The following MEGF11 variants were observed in gnomAD, a reference collection of about 807,000 sequenced individuals.
The protein encoded by MEGF11 is multiple epidermal growth factor-like domains protein 11.
A neutral mutation model predicts 146.6 loss-of-function variants in MEGF11; 126 were observed. The ratio of observed to expected loss-of-function variants is 0.86; its 90% confidence interval spans 0.74 to 1.00. The LOEUF (loss-of-function observed/expected upper bound fraction) is 1.00. Ranked by LOEUF, MEGF11 falls within the 50% of genes least tolerant of loss-of-function variation. MEGF11 has a pLI of 0.00. For synonymous variants in MEGF11, 532 were observed against 583.4 expected (o/e 0.91, Z 1.27); for missense variants, 1,509 against 1,521.2 (o/e 0.99, Z 0.13).
chr15:66,210,217 C>T (rs2140123441), intron 1 of MEGF11, among the ~76,000 whole-genome samples: 1 of 152,300 alleles, frequency 6.6e-6, no homozygotes, highest in South Asian at 2.1e-4. Context: ...TTGGAGGAAA[C>T]TGAGTAAAGG....
chr15:66,193,998 C>G lies in MEGF11; in HGVS notation c.-9+59607G>C, dbSNP rs151080897. Among the ~76,000 whole-genome samples the G allele has an allele frequency of 6.9e-4, 105 of 152,186 alleles. No homozygotes were observed. In the South Asian group the frequency reaches 9.5e-3, roughly 14 times the overall value. ...ATTTGATCCAGCAATCCCATTACTA[C>G]GTATCTATCCAGAGGAAAAGAAGTC... On this transcript the variant is annotated intron_variant, in intron 1 of 25. Transcript: ENST00000395614.
At chr15:66,021,875 T>G (rs1221264000) in intron 5 of MEGF11, among the ~76,000 whole-genome samples, 3 of 152,146 alleles carry the variant, frequency 2.0e-5, no homozygotes, top group Admixed American at 2.0e-4. Flanking sequence ...AATTTCAAAG[T>G]GGTTTCTGGC....
intron 5 of MEGF11, among the ~76,000 whole-genome samples, chr15:66,048,361 C>T (rs2084307046): frequency 6.6e-6 from 1 of 152,254 alleles, no homozygotes; most frequent in Non-Finnish European, 1.5e-5. Flanking sequence ...CACTATGTCA[C>T]CAAGGGGGTG....
intron 5 of MEGF11, among the ~76,000 whole-genome samples, chr15:65,983,062 C>G (rs893337924): frequency 1.3e-5 from 2 of 152,160 alleles, no homozygotes; most frequent in African/African-American, 4.8e-5. Flanking sequence ...AATATTTCCT[C>G]TAACTCCCTG....
intron 21 of MEGF11, 56 bp downstream of exon 21, chr15:65,912,026 G>A: frequency 2.9e-6 from 3 of 1,021,116 alleles, no homozygotes; most frequent in Non-Finnish European, 3.8e-6. Context: ...CTGGGCAGAG[G>A]TGAGGGTTAA....
chr15:66,208,321 T>C (rs2091354373), intron 1 of MEGF11, among the ~76,000 whole-genome samples: 1 of 152,034 alleles, frequency 6.6e-6, no homozygotes, highest in Non-Finnish European at 1.5e-5. Flanking sequence ...ATGAAATACC[T>C]AGAGCAACCA....
At position 66,220,932 on chromosome 15, in the gene MEGF11, C is replaced by T. The variant is rs113415787; in HGVS notation, c.-9+32673G>A. Among the ~76,000 whole-genome samples the T allele has an allele frequency of 9.7e-3, 1,469 of 152,106 alleles. 25 individuals carry two copies. Among genetic ancestry groups the T allele is most frequent in the African/African-American group, 0.033 (1,371 of 41,456 alleles). On this transcript the variant is annotated intron_variant, in intron 1 of 25. Transcript: ENST00000395614. ...ACAAAATTCAGAGGAATATACACTT[C>T]CCCCAAAAAGTGAGTGCATGTAAAA...
intron 5 of MEGF11, among the ~76,000 whole-genome samples, chr15:66,066,873 GGA>G (rs534541682): frequency 3.3e-5 from 5 of 152,260 alleles, no homozygotes; most frequent in East Asian, 1.9e-4. Context: ...CCAGCAATCA[GGA>G]GAGAGAGAGA....
At chr15:66,064,621 G>A (rs900102263) in intron 5 of MEGF11, among the ~76,000 whole-genome samples, 2 of 151,752 alleles carry the variant, frequency 1.3e-5, no homozygotes, top group Non-Finnish European at 2.9e-5. Context: ...GGATTCAAGC[G>A]ATTTTCCTGC....
chr15:66,091,189 C>T (rs891576565), intron 5 of MEGF11, among the ~76,000 whole-genome samples: 5 of 152,174 alleles, frequency 3.3e-5, no homozygotes, highest in Non-Finnish European at 7.4e-5. Context: ...TACTTGTCTC[C>T]ACAGATTTGG....
At chr15:66,066,774 G>A (rs1226843321) in intron 5 of MEGF11, among the ~76,000 whole-genome samples, 3 of 152,352 alleles carry the variant, frequency 2.0e-5, no homozygotes, top group South Asian at 4.1e-4. Context: ...GAGGCTTGGA[G>A]TCATCCCAAA....
chr15:66,080,626 A>G (rs1434673811), intron 5 of MEGF11, among the ~76,000 whole-genome samples: 1 of 152,246 alleles, frequency 6.6e-6, no homozygotes, highest in Non-Finnish European at 1.5e-5. Context: ...CACTAAGAGG[A>G]AGTCAAGGAT....
At chr15:66,235,457 G>GT (rs2092068334) in intron 1 of MEGF11, among the ~76,000 whole-genome samples, 1 of 151,466 alleles carries the variant, frequency 6.6e-6, no homozygotes, top group African/African-American at 2.4e-5. Context: ...AGCCATGATG[G>GT]TATCACTACA....
intron 3 of MEGF11, among the ~76,000 whole-genome samples, chr15:66,119,519 G>C (rs1020785331): frequency 6.6e-6 from 1 of 152,068 alleles, no homozygotes; most frequent in Non-Finnish European, 1.5e-5. Context: ...CCAGATTCTG[G>C]GCTTGAAGAG....
chr15:65,938,511 T>G (rs968360591), intron 10 of MEGF11, among the ~76,000 whole-genome samples: 2 of 152,212 alleles, frequency 1.3e-5, no homozygotes, highest in Non-Finnish European at 2.9e-5. Context: ...CACCTGGAAG[T>G]TGATGCTTGG....
At chr15:65,985,869 A>G (rs905188674) in intron 5 of MEGF11, among the ~76,000 whole-genome samples, 1 of 151,946 alleles carries the variant, frequency 6.6e-6, no homozygotes, top group South Asian at 2.1e-4. Flanking sequence ...ACACAATTCT[A>G]TTAAGCCTGG....
chr15:65,969,194 C>G (rs148668606), intron 8 of MEGF11, among the ~76,000 whole-genome samples: 119 of 152,318 alleles, frequency 7.8e-4, no homozygotes, highest in Middle Eastern at 3.4e-3. Flanking sequence ...CTAGGGTCTA[C>G]TGGTATGGAG....
At chr15:66,194,922 T>G (rs767813714) in intron 1 of MEGF11, among the ~76,000 whole-genome samples, 25 of 152,202 alleles carry the variant, frequency 1.6e-4, no homozygotes, top group Non-Finnish European at 8.8e-5. Flanking sequence ...CATTTGGGCT[T>G]GTCGTCACTT....
intron 1 of MEGF11, among the ~76,000 whole-genome samples, chr15:66,205,203 G>C (rs1252898905): frequency 6.6e-6 from 1 of 152,224 alleles, no homozygotes; most frequent in African/African-American, 2.4e-5. Context: ...CTCTTTGGGA[G>C]ACTGAGGCAG....
Sources: gnomAD v4.1 joint callset for allele counts (sites outside exome capture counted in the v4.1 genomes callset) on GRCh38, gnomAD v4.1.1 for gene constraint, MANE v1.5 for transcripts, NCBI Gene and HGNC (gene_info 2026-07-23, HGNC 2026-07-21) for gene names.